The following SSUH2 variants were observed in gnomAD, a reference collection of about 807,000 sequenced individuals.
SSUH2 encodes the protein ssu-2 homolog, also known as protein SSUH2 homolog.
A neutral mutation model predicts 55.3 loss-of-function variants in SSUH2; 47 were observed. The ratio of observed to expected loss-of-function variants is 0.85; its 90% CI spans 0.67 to 1.08. The LOEUF (loss-of-function observed/expected upper bound fraction) is 1.08. Ranked by LOEUF, SSUH2 falls within the 50% of genes least tolerant of loss-of-function variation. The pLI is 0.00. For missense variants in SSUH2, 535 were observed against 490.7 expected (o/e 1.09, Z -0.85); for synonymous variants, 212 against 191.5 (o/e 1.11, Z -0.89).
At chr3:8,674,499 G>A (rs537430278) in intron 3 of SSUH2, among the ~76,000 whole-genome samples, 2 of 152,238 alleles carry the variant, frequency 1.3e-5, no homozygotes, top group South Asian at 2.1e-4. Flanking sequence ...TGTAGACAGC[G>A]GTGCTGAACA....
At position 8,658,030 on chromosome 3, in the gene SSUH2, G is replaced by A. The variant is rs117880662; in HGVS notation, c.-307+895C>T. Among the ~76,000 whole-genome samples the A allele has an allele frequency of 5.2e-4, 79 of 152,348 alleles. No homozygotes were observed. The East Asian group carries it at 0.014, about 28-fold the overall frequency. On this transcript the variant is annotated intron_variant, in intron 7 of 18. Coordinates refer to the SSUH2 transcript ENST00000317371. ...TGTGGGGAGACAGTGAGGGAGGTGA[G>A]AAGAGCATCCACTCTGCAGTGAATG...
At chr3:8,670,212 T>A (rs558440309) in intron 5 of SSUH2, among the ~76,000 whole-genome samples, 1 of 152,196 alleles carries the variant, frequency 6.6e-6, no homozygotes, top group South Asian at 2.1e-4. Context: ...CTGGGATATA[T>A]GAGGATGGTC....
chr3:8,678,623 C>CCT (rs56000478), intron 2 of SSUH2, among the ~76,000 whole-genome samples: 1 of 63,670 alleles, frequency 1.6e-5, no homozygotes, highest in Non-Finnish European at 3.4e-5. Flanking sequence ...TCTTCCCCCC[C>CCT]GGCTTTTGGG....
Position 8,679,013 on chromosome 3 carries a change from C to A in SSUH2, c.-901+692G>T, listed in dbSNP as rs1213848105. 2.2e-4 allele frequency among the ~76,000 whole-genome samples: 24 copies of A among 110,048 alleles called. 10 individuals are homozygous for A. The highest frequency in any genetic ancestry group is 1.9e-3 in the South Asian group (6 of 3,194). The allele number at this position is 110,048 out of a possible 152,430, so 72.2% of individuals were successfully genotyped here. On this transcript the variant is annotated intron_variant, in intron 2 of 18. Coordinates refer to the SSUH2 transcript ENST00000317371. ...CGCGAGGTGGGGACTGAGAGCCAGC[C>A]CCTCTTCCCCCCCTGGCTCTTAGGA... is the stretch of plus-strand genomic sequence containing the variant.
At chr3:8,671,103 G>A (rs959188521) in exon 5 of SSUH2, 2 of 265,494 alleles carry the variant, frequency 7.5e-6, no homozygotes, top group South Asian at 3.6e-5. Context: ...AGGATATTAC[G>A]AATTTGATGG....
At chr3:8,626,681 G>A (rs1407283041) in intron 8 of SSUH2, among the ~76,000 whole-genome samples, 1 of 152,132 alleles carries the variant, frequency 6.6e-6, no homozygotes, top group Non-Finnish European at 1.5e-5. Flanking sequence ...TCTGTCCCAG[G>A]ATGTTTGTCG....
intron 5 of SSUH2, 46 bp downstream of exon 5, chr3:8,632,001 CCT>C: frequency 1.3e-6 from 2 of 1,481,912 alleles, no homozygotes; most frequent in Non-Finnish European, 1.9e-6. Flanking sequence ...CCACCAGCAC[CCT>C]GACTTATTTG....
intron 3 of SSUH2, 113 bp downstream of exon 3, chr3:8,635,171 TGGTGCAGTAGGTCTGG>T: frequency 1.5e-6 from 1 of 683,904 alleles, no homozygotes; most frequent in South Asian, 2.1e-5. Flanking sequence ...CTGGAGGATC[TGGTGCAGTAGGTCTGG>T]GGTGCAGACG....
At chr3:8,644,326 T>G (rs983502029) in intron 1 of SSUH2, among the ~76,000 whole-genome samples, 1 of 152,166 alleles carries the variant, frequency 6.6e-6, no homozygotes. Context: ...TAGATTTGGC[T>G]GGGAGCAGGA....
In SSUH2 at chr3:8,651,305, G is replaced by C. The variant is rs74819898; in HGVS notation, c.-307+7620C>G. On this transcript the variant is annotated intron_variant, in intron 7 of 18. Transcript: ENST00000317371. ...TCTCTCGGCTATCTCAGCAAGCGGG[G>C]AGGCAAGTGAGGGAAGCCATCATTG... 1.8e-4 allele frequency among the ~76,000 whole-genome samples: 28 copies of C among 152,342 alleles called. No homozygotes were observed. In the East Asian group the frequency reaches 5.4e-3, roughly 29 times the overall value.
rs376559398 is a variant in SSUH2 at position 8,679,266 on chromosome 3, T to C, written c.-901+439A>G. ...GAGCCAGCCAATTTTCCCCCTGGCT[T>C]TTAGGACCCCCATCGGAGGGGGGGA... On this transcript the variant is annotated intron_variant, in intron 2 of 18. Transcript: ENST00000317371. Among the ~76,000 whole-genome samples the C allele has an allele frequency of 5.2e-3, 474 of 91,442 alleles. 80 individuals are homozygous for C. The highest frequency in any genetic ancestry group is 0.012 in the African/African-American group (289 of 24,838). The allele number at this position is 91,442 out of a possible 152,430, so 60.0% of individuals were successfully genotyped here.
upstream of SSUH2, among the ~76,000 whole-genome samples, chr3:8,649,039 C>T (rs1204341229): frequency 6.6e-6 from 1 of 152,140 alleles, no homozygotes; most frequent in African/African-American, 2.4e-5. Context: ...TGAAGGGCTG[C>T]CCTACTTCTG....
chr3:8,632,226 C>A, intron 4 of SSUH2, 117 bp from the exon 5 acceptor site: 2 of 786,902 alleles, frequency 2.5e-6, no homozygotes, highest in Non-Finnish European at 4.3e-6. Context: ...GAGGTCCATG[C>A]ACAACACCCT....
rs1423474614 is a variant in SSUH2, at chr3:8,677,792, C to A, written c.-900-439G>T. Among the ~76,000 whole-genome samples the A allele has an allele frequency of 1.3e-5, 2 of 150,784 alleles. 1 individual carries two copies. The highest frequency in any genetic ancestry group is 4.3e-4 in the South Asian group (2 of 4,658). ...GGCAAAACCTGAACATAAAGGCCCC[C>A]CATGCTGTGGTGACTGAGAGCCAGC... On this transcript the variant is annotated intron_variant, in intron 2 of 18. Coordinates refer to the SSUH2 transcript ENST00000317371.
chr3:8,644,651 A>C, intron 1 of SSUH2, 80 bp downstream of exon 1: 2 of 1,217,066 alleles, frequency 1.6e-6, no homozygotes, highest in Non-Finnish European at 2.3e-6. Context: ...AACATATTAG[A>C]GGTCAGATTA....
intron 7 of SSUH2, among the ~76,000 whole-genome samples, chr3:8,652,275 C>A (rs1202290788): frequency 1.3e-5 from 2 of 152,260 alleles, no homozygotes; most frequent in Non-Finnish European, 2.9e-5. Flanking sequence ...GTACCACAAT[C>A]TCCCCCAGTC....
intron 8 of SSUH2, 50 bp from the exon 9 acceptor site, chr3:8,626,371 G>A (rs764298412): frequency 2.1e-6 from 3 of 1,425,902 alleles, no homozygotes; most frequent in Non-Finnish European, 3.0e-6. Flanking sequence ...AGGTCCTGGT[G>A]GCTTCCAGAG....
intron 3 of SSUH2, among the ~76,000 whole-genome samples, chr3:8,676,048 A>C (rs572656721): frequency 5.3e-4 from 81 of 152,172 alleles, no homozygotes; most frequent in Non-Finnish European, 7.6e-4. Flanking sequence ...TCTTGGGCAA[A>C]ACCTGAACAT....
At chr3:8,668,834 C>T (rs537736564) in intron 5 of SSUH2, among the ~76,000 whole-genome samples, 29 of 152,240 alleles carry the variant, frequency 1.9e-4, no homozygotes, top group Non-Finnish European at 3.4e-4. Context: ...AGAAACAGTT[C>T]CACATGTTAT....
Sources: gnomAD v4.1 joint callset for allele counts (sites outside exome capture counted in the v4.1 genomes callset) on GRCh38, gnomAD v4.1.1 for gene constraint, MANE v1.5 for transcripts, NCBI Gene and HGNC (gene_info 2026-07-23, HGNC 2026-07-21) for gene names.